The following TENT5A variants were observed in gnomAD, a reference collection of about 807,000 sequenced individuals.
TENT5A encodes terminal nucleotidyltransferase 5A.
TENT5A carries 9 observed loss-of-function variants against 30.2 expected under a neutral mutation model. That is an observed-to-expected ratio of 0.30 (90% CI 0.18 to 0.52). The LOEUF (loss-of-function observed/expected upper bound fraction) is 0.52, where lower values mean the gene tolerates loss of function less well. TENT5A is among the 20% of genes least tolerant of loss of function. The probability of loss-of-function intolerance (pLI) is 0.97; values close to 1 mark genes in which losing one functional copy is unlikely to be tolerated. For missense variants in TENT5A, 411 were observed against 566.1 expected, an observed-to-expected ratio of 0.73 and a Z score of 2.78; for synonymous variants, 264 against 234.2, an observed-to-expected ratio of 1.13 and a Z score of -1.16.
chr6:81,748,625 A>C lies in TENT5A; in HGVS notation c.*1070T>G, dbSNP rs973876417. On this transcript the variant is annotated 3_prime_UTR_variant, in exon 3 of 3. Coordinates refer to ENST00000320172, the MANE Select transcript of TENT5A (RefSeq NM_017633.3). ...GTCAATCTACTGTGTATATATACAT[A>C]TAAAATGTATATATAAAATGTATAT... 10 of 868,294 alleles carry C rather than the reference A, an allele frequency of 1.2e-5. No homozygotes were observed. The African/African-American group carries it at 1.8e-4, about 16-fold the overall frequency. 53.8% of individuals were successfully genotyped at this position (868,294 alleles called of 1,614,324 possible).
chr6:81,752,404 C>A, intron 1 of TENT5A, 27 bp downstream of exon 1: 6 of 1,550,098 alleles, frequency 3.9e-6, no homozygotes, highest in Non-Finnish European at 5.2e-6. Flanking sequence ...ATCTGGAAAG[C>A]GCAAGCGAGA....
intron 1 of TENT5A, 68 bp from the exon 2 acceptor site, chr6:81,752,246 G>A (rs1420368012): frequency 1.2e-5 from 17 of 1,422,676 alleles, no homozygotes; most frequent in South Asian, 2.9e-5. Context: ...GCGGCGGAGA[G>A]CAGAGGCCCG....
intron 2 of TENT5A, among the ~76,000 whole-genome samples, chr6:81,751,134 T>C (rs1266116183): frequency 6.6e-6 from 1 of 152,220 alleles, no homozygotes; most frequent in African/African-American, 2.4e-5. Context: ...GTCAGCTGAA[T>C]GCCGCTGTGA....
In TENT5A at chr6:81,747,082, A is replaced by G; in HGVS notation, c.*2613T>C. ...ATTTCAAATAAGGCTCTTCCAAACA[A>G]AAATCTGTGTTATAAATTAACAGCA... On this transcript the variant is annotated 3_prime_UTR_variant, in exon 3 of 3. Transcript: ENST00000320172. 1 of 984,548 alleles carries G rather than the reference A, an allele frequency of 1.0e-6. No homozygotes were observed. Among genetic ancestry groups the G allele is most frequent in the Non-Finnish European group, 1.2e-6 (1 of 829,116 alleles). 61.0% of individuals were successfully genotyped at this position (984,548 alleles called of 1,614,324 possible). A position where few individuals can be genotyped will look rare whatever the true frequency, so the allele number is the denominator to read the frequency against.
Position 81,745,939 on chromosome 6 carries a change from C to T in TENT5A, c.*3756G>A, listed in dbSNP as rs1183687979. ...AGGTGCAGCTTGCTGCAACAGAACA[C>T]CTCAAAGCAGGCATGATTGTAGAGA... On this transcript the variant is annotated 3_prime_UTR_variant, in exon 3 of 3. Coordinates refer to ENST00000320172, the MANE Select transcript of TENT5A (RefSeq NM_017633.3). 1 of 985,522 alleles carries T rather than the reference C, an allele frequency of 1.0e-6. No homozygotes were observed. The highest frequency in any genetic ancestry group is 6.2e-5 in the Admixed American group (1 of 16,256). The allele number at this position is 985,522 out of a possible 1,614,324, so 61.0% of individuals were successfully genotyped here.
rs1168684908 is a variant in TENT5A, at chr6:81,750,437, T to C, written c.587A>G (p.Asn196Ser). 3.2e-6 allele frequency: 5 copies of C among 1,574,020 alleles called. No individual in the cohort carries two copies. Among genetic ancestry groups the C allele is most frequent in the African/African-American group, 1.4e-5 (1 of 73,176 alleles). ...AYVQKMVKVC[N>S]DSDRWSLISL... Reference sequence around the variant, plus strand: ...TATAAGACTCCATCGGTCAGAGTCATTGCACACTTTAACCATTTTCTGCAC... The same window carrying C: ...TATAAGACTCCATCGGTCAGAGTCACTGCACACTTTAACCATTTTCTGCAC... The change falls in exon 3 of 3, where the codon AAT (asparagine) becomes AGT (serine). Residue 196 changes from asparagine (N) to serine (S), a missense_variant. Asn to Ser is a conservative substitution (Grantham distance 46). Coordinates refer to ENST00000320172, the MANE Select transcript of TENT5A (RefSeq NM_017633.3). This position sits in a 1 kb window ranked among gnomAD's most constrained non-coding sequence, Gnocchi z 4.2.
Position 81,747,976 on chromosome 6 carries a change from T to C in TENT5A, c.*1719A>G, listed in dbSNP as rs1768919430. 1.0e-6 allele frequency: 1 copy of C among 984,372 alleles called. No individual in the cohort carries two copies. Among genetic ancestry groups the C allele is most frequent in the Non-Finnish European group, 1.2e-6 (1 of 828,748 alleles). The allele number at this position is 984,372 out of a possible 1,614,324, so 61.0% of individuals were successfully genotyped here. ...GCGATTTAAAGTACAGTACTAAATA[T>C]TTAAATGCAGTGTGACAACCAGATC... On this transcript the variant is annotated 3_prime_UTR_variant, in exon 3 of 3. Transcript: ENST00000320172.
chr6:81,746,989 A>C lies in TENT5A; in HGVS notation c.*2706T>G, dbSNP rs777931298. 3.5e-4 allele frequency: 347 copies of C among 989,430 alleles called. No individual in the cohort carries two copies. Among genetic ancestry groups the C allele is most frequent in the Non-Finnish European group, 4.0e-4 (334 of 832,484 alleles). 61.3% of individuals were successfully genotyped at this position (989,430 alleles called of 1,614,324 possible). ...ATAGGTGCCAGGTGCTGGCACTTCCAACTAAGCTACCAACCCTGAAGTAAG... is the reference window on the plus strand; with the variant it reads ...ATAGGTGCCAGGTGCTGGCACTTCCCACTAAGCTACCAACCCTGAAGTAAG... On this transcript the variant is annotated 3_prime_UTR_variant, in exon 3 of 3. Coordinates refer to ENST00000320172, the MANE Select transcript of TENT5A (RefSeq NM_017633.3).
chr6:81,747,814 G>A lies in TENT5A; in HGVS notation c.*1881C>T. On this transcript the variant is annotated 3_prime_UTR_variant, in exon 3 of 3. Transcript: ENST00000320172. ...CATTTTCAGAGACCAGTATCTAGAG[G>A]AACTACTGGCTAGGAGAAAGGGTGG... is the stretch of plus-strand genomic sequence containing the variant. 5.1e-6 allele frequency: 5 copies of A among 985,236 alleles called. No individual in the cohort carries two copies. The highest frequency in any genetic ancestry group is 6.0e-6 in the Non-Finnish European group (5 of 829,394). 61.0% of individuals were successfully genotyped at this position (985,236 alleles called of 1,614,324 possible).
rs1768972758 is a variant in TENT5A, at chr6:81,749,170, CTTG to C, written c.*522_*524del. The C allele has an allele frequency of 7.5e-5, 74 of 985,936 alleles. No homozygotes were observed. The highest frequency in any genetic ancestry group is 8.8e-5 in the Non-Finnish European group (73 of 830,100). 61.1% of individuals were successfully genotyped at this position (985,936 alleles called of 1,614,324 possible). A position where few individuals can be genotyped will look rare whatever the true frequency, so the allele number is the denominator to read the frequency against. On this transcript the variant is annotated 3_prime_UTR_variant, in exon 3 of 3. Transcript: ENST00000320172. ...AAACAAGATCATTCCACAGAAAGCA[CTTG>C]CTACAAGCCTCAGACAGTAATCCCA...
chr6:81,751,902 C>G lies in TENT5A; in HGVS notation c.240G>C (p.Glu80Asp). 6.2e-7 allele frequency: 1 copy of G among 1,613,266 alleles called. No individual in the cohort carries two copies. The highest frequency in any genetic ancestry group is 1.1e-5 in the South Asian group (1 of 91,084). The change falls in exon 2 of 3, where the codon GAG becomes GAC. Residue 80 changes from glutamate to aspartate, a missense_variant. Around this residue, in one of 5 missense-constraint regions of TENT5A, gnomAD observed 157 missense variants for 183.2 expected, o/e 0.86. Transcript: ENST00000320172. Reference protein sequence around the residue: ...QVQRLDGILSETIPIHGRGNF... With the variant: ...QVQRLDGILSDTIPIHGRGNF... ...TGCCGCGCCCGTGAATCGGAATGGT[C>G]TCGCTCAGGATGCCGTCCAGCCGCT...
intron 2 of TENT5A, 55 bp downstream of exon 2, chr6:81,751,535 C>T (rs773099311): frequency 3.2e-5 from 47 of 1,489,718 alleles, no homozygotes; most frequent in Non-Finnish European, 4.0e-5. Context: ...GCCCGCTCCC[C>T]GTCACACCCG....
At position 81,747,197 on chromosome 6, in the gene TENT5A, A is replaced by T; in HGVS notation, c.*2498T>A. ...AAGAGTTAGGGTAAGAAAGCAGATC[A>T]CCAGCTGCTCCTGTGTTCACAAGTG... is the stretch of plus-strand genomic sequence containing the variant. On this transcript the variant is annotated 3_prime_UTR_variant, in exon 3 of 3. Transcript: ENST00000320172. 4 of 985,234 alleles carry T rather than the reference A, an allele frequency of 4.1e-6. No individual in the cohort carries two copies. Among genetic ancestry groups the T allele is most frequent in the Non-Finnish European group, 4.8e-6 (4 of 829,748 alleles). 61.0% of individuals were successfully genotyped at this position (985,234 alleles called of 1,614,324 possible). A position where few individuals can be genotyped will look rare whatever the true frequency, so the allele number is the denominator to read the frequency against.
At position 81,752,505 on chromosome 6, in the gene TENT5A, G is replaced by C; in HGVS notation, c.-112C>G. On this transcript the variant is annotated 5_prime_UTR_variant, in exon 1 of 3. Transcript: ENST00000320172. ...AGAGGCGGCAACACTTCCAGGAGCT[G>C]CGAGCGCGCTCAGACAGCAAATAGC... 1 of 1,477,550 alleles carries C rather than the reference G, an allele frequency of 6.8e-7. No individual in the cohort carries two copies. Among genetic ancestry groups the C allele is most frequent in the African/African-American group, 1.4e-5 (1 of 71,700 alleles). 91.5% of individuals were successfully genotyped at this position (1,477,550 alleles called of 1,614,324 possible).
At position 81,746,609 on chromosome 6, in the gene TENT5A, C is replaced by G. The variant is rs908008759; in HGVS notation, c.*3086G>C. On this transcript the variant is annotated 3_prime_UTR_variant, in exon 3 of 3. Coordinates refer to ENST00000320172, the MANE Select transcript of TENT5A (RefSeq NM_017633.3). ...AGTAAACCTTTAAAAACGGCATTGT[C>G]ACAGGCTATGTGTTCTCTGACATGC... is the stretch of plus-strand genomic sequence containing the variant. 2 of 1,231,872 alleles carry G rather than the reference C, an allele frequency of 1.6e-6. No individual in the cohort carries two copies. The highest frequency in any genetic ancestry group is 3.1e-5 in the African/African-American group (2 of 64,412). The allele number at this position is 1,231,872 out of a possible 1,614,324, so 76.3% of individuals were successfully genotyped here. A position where few individuals can be genotyped will look rare whatever the true frequency, so the allele number is the denominator to read the frequency against.
chr6:81,746,591 C>CT lies in TENT5A; in HGVS notation c.*3103dup. 3 of 1,232,004 alleles carry CT rather than the reference C, an allele frequency of 2.4e-6. No homozygotes were observed. In the Admixed American group the frequency reaches 1.3e-4, roughly 52 times the overall value. 76.3% of individuals were successfully genotyped at this position (1,232,004 alleles called of 1,614,324 possible). A position where few individuals can be genotyped will look rare whatever the true frequency, so the allele number is the denominator to read the frequency against. On this transcript the variant is annotated 3_prime_UTR_variant, in exon 3 of 3. Coordinates refer to ENST00000320172, the MANE Select transcript of TENT5A (RefSeq NM_017633.3). ...TGGATTTACTGCAAATTAAGTAAAC[C>CT]TTTAAAAACGGCATTGTCACAGGCT... is the stretch of plus-strand genomic sequence containing the variant.
At position 81,751,707 on chromosome 6, in the gene TENT5A, G is replaced by C. The variant is rs376077710; in HGVS notation, c.435C>G (p.Cys145Trp). Reference sequence around the variant, plus strand: ...ACTCCCCTTCCCCGCGCAGGTCGGCGCAGAAGATGAGGTCCAGGTCCTTGT... The same window carrying C: ...ACTCCCCTTCCCCGCGCAGGTCGGCCCAGAAGATGAGGTCCAGGTCCTTGT... ...LGYKDLDLIFCADLRGEGEFQ... is the reference protein window; with the variant it reads ...LGYKDLDLIFWADLRGEGEFQ... The change falls in exon 2 of 3, where the codon TGC becomes TGG. Residue 145 changes from cysteine to tryptophan, a missense_variant. By Grantham distance (215) the Cys-to-Trp change is radical. Transcript: ENST00000320172. 11 of 1,613,982 alleles carry C rather than the reference G, an allele frequency of 6.8e-6. No homozygotes were observed. In the African/African-American group the frequency reaches 1.2e-4, roughly 18 times the overall value.
At position 81,752,550 on chromosome 6, in the gene TENT5A, C is replaced by T. The variant is rs1382422001; in HGVS notation, c.-157G>A. 15 of 1,075,272 alleles carry T rather than the reference C, an allele frequency of 1.4e-5. No homozygotes were observed. The highest frequency in any genetic ancestry group is 2.1e-5 in the Non-Finnish European group (15 of 713,482). 66.6% of individuals were successfully genotyped at this position (1,075,272 alleles called of 1,614,324 possible). A position where few individuals can be genotyped will look rare whatever the true frequency, so the allele number is the denominator to read the frequency against. On this transcript the variant is annotated 5_prime_UTR_variant, in exon 1 of 3. Coordinates refer to ENST00000320172, the MANE Select transcript of TENT5A (RefSeq NM_017633.3). ...AATAGCGACTTCGTCTTTCCCAGAC[C>T]CCTGCCGCCTGCGCTCACCACTCCC...
rs528077384 is a variant in TENT5A, at chr6:81,752,485, C to T, written c.-92G>A. ...AGCGAGCGAGAGCGAAACCGAGAGG[C>T]GGCAACACTTCCAGGAGCTGCGAGC... On this transcript the variant is annotated 5_prime_UTR_variant, in exon 1 of 3. Coordinates refer to ENST00000320172, the MANE Select transcript of TENT5A (RefSeq NM_017633.3). The T allele has an allele frequency of 1.4e-5, 21 of 1,531,940 alleles. No individual in the cohort carries two copies. The highest frequency in any genetic ancestry group is 2.8e-5 in the African/African-American group (2 of 72,634). 94.9% of individuals were successfully genotyped at this position (1,531,940 alleles called of 1,614,324 possible).
Sources: gnomAD v4.1 joint callset for allele counts (sites outside exome capture counted in the v4.1 genomes callset) on GRCh38, gnomAD v4.1.1 for gene constraint, gnomAD v4.1.1 regional missense constraint, Gnocchi (gnomAD v3.1) non-coding constraint, MANE v1.5 for transcripts, NCBI Gene and HGNC (gene_info 2026-07-23, HGNC 2026-07-21) for gene names.